Variants in PRSS55 observed in about 807,000 individuals in gnomAD.
The protein encoded by PRSS55 is serine protease 55, also known as probable serine protease UNQ9391/PRO34284.
A neutral mutation model predicts 23.6 loss-of-function variants in PRSS55; 41 were observed. The observed-to-expected ratio is 1.74, with a 90% CI of 1.35 to 2.26. The LOEUF (loss-of-function observed/expected upper bound fraction) is 2.26, where lower values mean the gene tolerates loss of function less well. Among genes scored for constraint, PRSS55 ranks in the 30% most tolerant of loss-of-function variants. The probability of loss-of-function intolerance (pLI) is 0.00; values close to 1 mark genes in which losing one functional copy is unlikely to be tolerated. For missense variants in PRSS55, 669 were observed against 439.1 expected (o/e 1.52, Z -4.68); for synonymous variants, 262 against 175.5 (o/e 1.49, Z -3.90).
intron 3 of PRSS55, 111 bp from the exon 4 acceptor site, chr8:10,532,795 G>C (rs1812315678): frequency 4.4e-6 from 6 of 1,367,330 alleles, no homozygotes; most frequent in African/African-American, 2.9e-5. Context: ...AGCCTGTGAA[G>C]GAAGGGGATG....
chr8:10,525,558 C>T lies in PRSS55; in HGVS notation c.-28C>T, dbSNP rs776345749. 2 of 1,603,992 alleles carry T rather than the reference C, an allele frequency of 1.2e-6. No individual in the cohort carries two copies. The highest frequency in any genetic ancestry group is 1.7e-5 in the Admixed American group (1 of 59,640). ...CTGCCTCAGCCCTGGCCTCTGTCAC[C>T]CCCGGGCCCACAGCACAGCCCAGGG... On this transcript the variant is annotated 5_prime_UTR_variant, in exon 1 of 5. Transcript: ENST00000328655.
downstream of PRSS55, among the ~76,000 whole-genome samples, chr8:10,539,335 A>G (rs952509250): frequency 6.6e-6 from 1 of 152,196 alleles, no homozygotes; most frequent in Non-Finnish European, 1.5e-5. Flanking sequence ...ATCTCATCCA[A>G]AGATACCCTC....
At chr8:10,531,909 C>T (rs532667265) in intron 3 of PRSS55, among the ~76,000 whole-genome samples, 9 of 152,344 alleles carry the variant, frequency 5.9e-5, no homozygotes, top group Non-Finnish European at 1.2e-4. Context: ...GATTCCCACC[C>T]TGGGCTAGGC....
chr8:10,529,408 C>A (rs778781467), intron 1 of PRSS55, 99 bp from the exon 2 acceptor site: 32 of 1,203,062 alleles, frequency 2.7e-5, no homozygotes, highest in Non-Finnish European at 4.0e-5. Flanking sequence ...ATGAGGATAT[C>A]CACTTGGAAG....
At chr8:10,530,480 A>C (rs1465974177) in intron 2 of PRSS55, among the ~76,000 whole-genome samples, 1 of 152,258 alleles carries the variant, frequency 6.6e-6, no homozygotes, top group Admixed American at 6.5e-5. Flanking sequence ...CATCTCAAAA[A>C]AAGAAAAATA....
intron 4 of PRSS55, among the ~76,000 whole-genome samples, chr8:10,552,780 G>A (rs1812979917): frequency 6.6e-6 from 1 of 152,212 alleles, no homozygotes; most frequent in Non-Finnish European, 1.5e-5. Flanking sequence ...GAGTGTTGGT[G>A]AGGGTGTGGA....
rs1228073417 is a variant in PRSS55 at position 10,550,700 on chromosome 8, C to A, written c.742-3243C>A. ...GCTTGATGATAACTGTGTTACCCTG[C>A]GATGTGTTACCTTGGTTTTTACTGT... On this transcript the variant is annotated intron_variant, in intron 4 of 4. Coordinates refer to the PRSS55 transcript ENST00000522210. 2.6e-5 allele frequency among the ~76,000 whole-genome samples: 4 copies of A among 152,260 alleles called. No individual in the cohort carries two copies. The East Asian group carries it at 7.7e-4, about 29-fold the overall frequency.
Position 10,537,092 on chromosome 8 carries a change from G to C in PRSS55, c.742-1384G>C, listed in dbSNP as rs535810671. 4.6e-5 allele frequency among the ~76,000 whole-genome samples: 7 copies of C among 152,230 alleles called. No individual in the cohort carries two copies. The South Asian group carries it at 1.2e-3, about 27-fold the overall frequency. On this transcript the variant is annotated intron_variant, in intron 4 of 4. Coordinates refer to ENST00000328655, the MANE Select transcript of PRSS55 (RefSeq NM_198464.4). ...GAGGGTACTAAAAAAATTAAAAATAGAACTACCATATGATCCAGCAACCCC... is the reference window on the plus strand; with the variant it reads ...GAGGGTACTAAAAAAATTAAAAATACAACTACCATATGATCCAGCAACCCC...
chr8:10,538,398 C>T, intron 4 of PRSS55, 78 bp from the exon 5 acceptor site: 2 of 1,152,602 alleles, frequency 1.7e-6, no homozygotes, highest in Non-Finnish European at 2.5e-6. Context: ...GAGGAATCTT[C>T]CATGAATGAG....
downstream of PRSS55, among the ~76,000 whole-genome samples, chr8:10,543,432 C>CTTTG (rs1563547235): frequency 5.4e-5 from 1 of 18,658 alleles, no homozygotes; most frequent in Non-Finnish European, 2.3e-4. Context: ...TTCTTCCTTC[C>CTTTG]TTCCTTCCTT....
chr8:10,542,419 G>GGGGAGAA, downstream of PRSS55, among the ~76,000 whole-genome samples: 1 of 133,526 alleles, frequency 7.5e-6, no homozygotes, highest in South Asian at 2.3e-4. Flanking sequence ...CCATGCGGGG[G>GGGGAGAA]AAAAAAAAAA....
At chr8:10,539,846 G>C (rs1377457908), downstream of PRSS55, among the ~76,000 whole-genome samples, 1 of 152,188 alleles carries the variant, frequency 6.6e-6, no homozygotes, top group Non-Finnish European at 1.5e-5. Flanking sequence ...GTCTTTATCA[G>C]CTGTGTGGAA....
At chr8:10,549,363 G>A (rs1812900750) in intron 4 of PRSS55, among the ~76,000 whole-genome samples, 1 of 152,328 alleles carries the variant, frequency 6.6e-6, no homozygotes, top group African/African-American at 2.4e-5. Context: ...GTGCCCCGGT[G>A]GGAGATGGTT....
chr8:10,533,923 G>C (rs1051561582), intron 4 of PRSS55, among the ~76,000 whole-genome samples: 1 of 152,176 alleles, frequency 6.6e-6, no homozygotes, highest in African/African-American at 2.4e-5. Context: ...GGCTATGAGA[G>C]CCTTGAGAGG....
chr8:10,534,005 G>C (rs550194514), intron 4 of PRSS55, among the ~76,000 whole-genome samples: 9 of 152,300 alleles, frequency 5.9e-5, no homozygotes, highest in African/African-American at 1.7e-4. Context: ...GTAAGAAGTA[G>C]ACCCTGGCAG....
intron 4 of PRSS55, among the ~76,000 whole-genome samples, chr8:10,537,499 A>G (rs573633176): frequency 6.6e-6 from 1 of 152,346 alleles, no homozygotes; most frequent in African/African-American, 2.4e-5. Flanking sequence ...GAGCACGAAA[A>G]CACAGTTAGT....
chr8:10,549,456 G>T (rs575064794), intron 4 of PRSS55, among the ~76,000 whole-genome samples: 1 of 152,224 alleles, frequency 6.6e-6, no homozygotes, highest in East Asian at 1.9e-4. Flanking sequence ...CGGCATGTTG[G>T]GATGTGGGCT....
chr8:10,538,531 A>T lies in PRSS55; in HGVS notation c.797A>T (p.Gln266Leu). 1 of 1,614,164 alleles carries T rather than the reference A, an allele frequency of 6.2e-7. No homozygotes were observed. Among genetic ancestry groups the T allele is most frequent in the Non-Finnish European group, 8.5e-7 (1 of 1,180,004 alleles). Reference sequence around the variant, plus strand: ...CCAGAGCCTGGTGAGAAGTGGTACCAGGTGGGCATCATAAGCTGGGGAAAG... The same window carrying T: ...CCAGAGCCTGGTGAGAAGTGGTACCTGGTGGGCATCATAAGCTGGGGAAAG... ...CTPEPGEKWY[Q>L]VGIISWGKSC... The change falls in exon 5 of 5, where the codon CAG becomes CTG. Residue 266 changes from glutamine (Q) to leucine (L), a missense_variant. By Grantham distance (113) the Gln-to-Leu change is moderately radical. Coordinates refer to ENST00000328655, the MANE Select transcript of PRSS55 (RefSeq NM_198464.4).
chr8:10,538,688 A>T lies in PRSS55; in HGVS notation c.954A>T (p.Lys318Asn). 1 of 1,614,036 alleles carries T rather than the reference A, an allele frequency of 6.2e-7. No homozygotes were observed. The highest frequency in any genetic ancestry group is 8.5e-7 in the Non-Finnish European group (1 of 1,179,976). The change falls in exon 5 of 5, where the codon AAA (lysine) becomes AAT (asparagine). Residue 318 changes from lysine (K) to asparagine (N), a missense_variant. Physicochemically the swap from Lys to Asn is moderately conservative, Grantham distance 94. Transcript: ENST00000328655. Reference sequence around the variant, plus strand: ...AAAGGAGGACTTCTGTCAAACAGAAACCTATGGGCTCCCCAGTCTCGGGAG... The same window carrying T: ...AAAGGAGGACTTCTGTCAAACAGAATCCTATGGGCTCCCCAGTCTCGGGAG... The part of the protein sequence containing the change: ...AEKRRTSVKQ[K>N]PMGSPVSGVP...
Sources: gnomAD v4.1 joint callset for allele counts (sites outside exome capture counted in the v4.1 genomes callset) on GRCh38, gnomAD v4.1.1 for gene constraint, MANE v1.5 for transcripts, NCBI Gene and HGNC (gene_info 2026-07-23, HGNC 2026-07-21) for gene names.